The following SCP2 variants were observed in gnomAD, a reference collection of about 807,000 sequenced individuals.
The protein encoded by SCP2 is SCP-2/3-oxoacyl-CoA thiolase.
SCP2 carries 48 observed loss-of-function variants against 71.4 expected under a neutral mutation model. That is an observed-to-expected ratio of 0.67 (90% confidence interval 0.53 to 0.86). The LOEUF (loss-of-function observed/expected upper bound fraction) is 0.86, where lower values mean the gene tolerates loss of function less well. SCP2 is among the 40% of genes least tolerant of loss of function. The probability of loss-of-function intolerance (pLI) is 0.00; values close to 1 mark genes in which losing one functional copy is unlikely to be tolerated. For missense variants in SCP2, 560 were observed against 655.6 expected, an observed-to-expected ratio of 0.85 and a Z score of 1.59; for synonymous variants, 220 against 218.1, an observed-to-expected ratio of 1.01 and a Z score of -0.08.
chr1:52,962,684 C>T (rs1396103486), intron 6 of SCP2, among the ~76,000 whole-genome samples: 1 of 152,094 alleles, frequency 6.6e-6, no homozygotes, highest in Non-Finnish European at 1.5e-5. Context: ...AGCTTTTCTT[C>T]AGGTAGGGCC....
chr1:53,037,953 AC>A (rs1424862662), intron 13 of SCP2, among the ~76,000 whole-genome samples: 1 of 3,428 alleles, frequency 2.9e-4, no homozygotes, highest in Non-Finnish European at 3.0e-3. Context: ...GTCTCTATAC[AC>A]ACACACACAC....
intron 5 of SCP2, 87 bp from the exon 6 acceptor site, chr1:52,961,416 A>C: frequency 1.4e-6 from 2 of 1,386,574 alleles, no homozygotes; most frequent in Non-Finnish European, 2.0e-6. Flanking sequence ...TGCTTAGAAT[A>C]AATAAATATC....
chr1:52,958,209 CCTT>C (rs1186743970), intron 5 of SCP2, among the ~76,000 whole-genome samples: 1 of 151,052 alleles, frequency 6.6e-6, no homozygotes, highest in Non-Finnish European at 1.5e-5. Flanking sequence ...TAGTGTCAGT[CCTT>C]CTGTTGAATT....
intron 11 of SCP2, among the ~76,000 whole-genome samples, chr1:52,999,815 G>GTTTTTTTTTTT (rs60893788): frequency 0.025 from 2,757 of 109,136 alleles, 147 homozygotes; most frequent in African/African-American, 0.031. Context: ...CTGAACACTT[G>GTTTTTTTTTTT]TTTTTTTTTT....
rs552217643 is a variant in SCP2, at chr1:53,023,821, G to T, written c.1236-4148G>T. On this transcript the variant is annotated intron_variant, in intron 12 of 15. Coordinates refer to ENST00000371514, the MANE Select transcript of SCP2 (RefSeq NM_002979.5). Reference sequence around the variant, plus strand: ...TATATTAATATGATTCCTCTAGTAGGCTCTCTTTTCAATTTAGACTCTCCA... The same window carrying T: ...TATATTAATATGATTCCTCTAGTAGTCTCTCTTTTCAATTTAGACTCTCCA... 3.3e-5 allele frequency among the ~76,000 whole-genome samples: 5 copies of T among 152,076 alleles called. No individual in the cohort carries two copies. In the South Asian group the frequency reaches 1.0e-3, roughly 32 times the overall value.
chr1:53,037,950 T>TACACAC lies in SCP2; in HGVS notation c.1339-933_1339-928dup, dbSNP rs67763248. 1.4e-4 allele frequency among the ~76,000 whole-genome samples: 17 copies of TACACAC among 120,418 alleles called. 2 individuals are homozygous for TACACAC. The highest frequency in any genetic ancestry group is 1.4e-3 in the East Asian group (6 of 4,258). The allele number at this position is 120,418 out of a possible 152,430, so 79.0% of individuals were successfully genotyped here. A position where few individuals can be genotyped will look rare whatever the true frequency, so the allele number is the denominator to read the frequency against. On this transcript the variant is annotated intron_variant, in intron 13 of 15. Coordinates refer to ENST00000371514, the MANE Select transcript of SCP2 (RefSeq NM_002979.5). The stretch of plus-strand genomic sequence containing the variant: ...CACACAGATCCAGATCCTGTCTCTA[T>TACACAC]ACACACACACACACACACACACACA...
rs562788564 is a variant in SCP2 at position 52,995,907 on chromosome 1, C to G, written c.1081+7771C>G. 3.4e-6 allele frequency: 5 copies of G among 1,488,640 alleles called. No homozygotes were observed. In the African/African-American group the frequency reaches 4.2e-5, roughly 13 times the overall value. 92.2% of individuals were successfully genotyped at this position (1,488,640 alleles called of 1,614,324 possible). A position where few individuals can be genotyped will look rare whatever the true frequency, so the allele number is the denominator to read the frequency against. On this transcript the variant is annotated intron_variant, in intron 11 of 15. Transcript: ENST00000371514. ...TACACAGCTGAGGGCATGGATGAGA[C>G]GAGAGTTCAACAAGGCTGAGAGCAA...
chr1:52,946,198 G>A (rs1654774939), intron 2 of SCP2, among the ~76,000 whole-genome samples: 1 of 151,222 alleles, frequency 6.6e-6, no homozygotes, highest in South Asian at 2.1e-4. Flanking sequence ...CAAAGTGCTA[G>A]GATTACAGGC....
chr1:52,933,460 G>A (rs1183197091), intron 1 of SCP2, among the ~76,000 whole-genome samples: 1 of 152,016 alleles, frequency 6.6e-6, no homozygotes, highest in African/African-American at 2.4e-5. Flanking sequence ...ACCCCATCAG[G>A]TATGTTTAAA....
chr1:53,007,137 C>T (rs1660690190), intron 11 of SCP2, among the ~76,000 whole-genome samples: 1 of 152,130 alleles, frequency 6.6e-6, no homozygotes, highest in Non-Finnish European at 1.5e-5. Context: ...AAAGCAAGTC[C>T]TTAGAGACCT....
intron 9 of SCP2, among the ~76,000 whole-genome samples, chr1:52,978,692 G>A (rs562165400): frequency 6.6e-6 from 1 of 151,870 alleles, no homozygotes; most frequent in South Asian, 2.1e-4. Flanking sequence ...CCTCCCAAGT[G>A]GCTGGGACTA....
At chr1:52,985,668 C>T (rs1201608713) in intron 10 of SCP2, among the ~76,000 whole-genome samples, 1 of 152,192 alleles carries the variant, frequency 6.6e-6, no homozygotes, top group East Asian at 1.9e-4. Context: ...CCTCCTTACT[C>T]CCCACTCCCA....
intron 14 of SCP2, among the ~76,000 whole-genome samples, chr1:53,041,666 A>G (rs759768917): frequency 1.3e-4 from 20 of 152,192 alleles, no homozygotes; most frequent in Middle Eastern, 6.8e-3. Flanking sequence ...AGGCAGTGGG[A>G]AAAGTAAGTG....
intron 1 of SCP2, among the ~76,000 whole-genome samples, chr1:52,934,353 A>G (rs948659030): frequency 2.0e-5 from 3 of 152,032 alleles, no homozygotes; most frequent in African/African-American, 7.2e-5. Context: ...GGTAATATTA[A>G]CAAAGGTGAG....
intron 8 of SCP2, 56 bp downstream of exon 8, chr1:52,976,825 C>T: frequency 2.2e-6 from 2 of 899,110 alleles, no homozygotes; most frequent in Admixed American, 1.7e-5. Flanking sequence ...CCCTTCCTGC[C>T]ACCCCCCTGT....
intron 12 of SCP2, among the ~76,000 whole-genome samples, chr1:53,016,014 C>G (rs1326703210): frequency 1.3e-5 from 2 of 151,732 alleles, no homozygotes; most frequent in Admixed American, 6.6e-5. Context: ...TTTTGTTTCT[C>G]CAACAAAGGA....
chr1:53,038,959 T>C lies in SCP2; in HGVS notation c.1381T>C (p.Phe461Leu). The C allele has an allele frequency of 1.9e-6, 3 of 1,614,126 alleles. No individual in the cohort carries two copies. Among genetic ancestry groups the C allele is most frequent in the Non-Finnish European group, 2.5e-6 (3 of 1,180,002 alleles). ...FVKKIGGIFA[F>L]KVKDGPGGKE... ...GAAGAAAATCGGTGGTATTTTTGCC[T>C]TCAAGGTGAAAGATGGCCCTGGGGG... is the stretch of plus-strand genomic sequence containing the variant. The change falls in exon 14 of 16, where the codon TTC becomes CTC. Residue 461 changes from phenylalanine (F) to leucine (L), a missense_variant. Phe to Leu is a conservative substitution (Grantham distance 22, BLOSUM62 0). Coordinates refer to ENST00000371514, the MANE Select transcript of SCP2 (RefSeq NM_002979.5).
At chr1:52,995,328 G>A in intron 11 of SCP2, 5 of 477,806 alleles carry the variant, frequency 1.0e-5, no homozygotes, top group South Asian at 8.6e-5. Context: ...TTGACAATGA[G>A]GCCCTCTATG....
intron 6 of SCP2, among the ~76,000 whole-genome samples, chr1:52,973,454 A>G (rs74615171): frequency 0.027 from 4,134 of 152,208 alleles, 147 homozygotes; most frequent in East Asian, 0.19. Context: ...AATTTCGTTA[A>G]TTTTCTTGCT....
Sources: allele counts gnomAD v4.1 joint callset (sites outside exome capture counted in the v4.1 genomes callset), GRCh38; gene constraint gnomAD v4.1.1; transcripts MANE v1.5; gene names NCBI Gene and HGNC (gene_info 2026-07-23, HGNC 2026-07-21).